Variants in CADM1 observed in about 807,000 individuals in gnomAD.
The protein encoded by CADM1 is cell adhesion molecule 1.
In CADM1, 15 loss-of-function variants were observed where a neutral mutation model predicts 53.1. The observed-to-expected ratio is 0.28, with a 90% CI of 0.19 to 0.44. The LOEUF is 0.44. CADM1 is among the 20% of genes least tolerant of loss of function. CADM1 has a pLI of 1.00. For synonymous variants in CADM1, 281 were observed against 243.0 expected, an observed-to-expected ratio of 1.16 and a Z score of -1.45; for missense variants, 434 against 611.3, an observed-to-expected ratio of 0.71 and a Z score of 3.06.
chr11:115,356,245 TATATTATATAATAC>T (rs1212632751), intron 1 of CADM1, among the ~76,000 whole-genome samples: 1 of 148,324 alleles, frequency 6.7e-6, no homozygotes, highest in African/African-American at 2.4e-5. Flanking sequence ...TTATATTATA[TATATTATATAATAC>T]ATATTATATA....
chr11:115,282,415 T>C (rs1406647050), intron 1 of CADM1, among the ~76,000 whole-genome samples: 1 of 152,100 alleles, frequency 6.6e-6, no homozygotes, highest in East Asian at 1.9e-4. Context: ...TATGAGTAAA[T>C]GTAAAGGTCA....
chr11:115,484,804 G>A (rs573687436), intron 1 of CADM1, among the ~76,000 whole-genome samples: 19 of 152,006 alleles, frequency 1.2e-4, no homozygotes, highest in South Asian at 8.3e-4. Flanking sequence ...AAAATTAGCC[G>A]GGCGTGGTGG....
In CADM1 at chr11:115,214,728, C is replaced by G. The variant is rs777959081; in HGVS notation, c.874G>C (p.Val292Leu). ...RVDDEMPQHAVLSGPNLFINN... is the reference protein window; with the variant it reads ...RVDDEMPQHALLSGPNLFINN... ...ATGAACAGGTTGGGCCCAGACAGTACGGCGTGTTGAGGCATTTCATCATCG... is the reference window on the plus strand; with the variant it reads ...ATGAACAGGTTGGGCCCAGACAGTAGGGCGTGTTGAGGCATTTCATCATCG... The change falls in exon 7 of 12, where the codon GTA becomes CTA. Residue 292 changes from valine (V) to leucine (L), a missense_variant. Coordinates refer to ENST00000331581, the MANE Select transcript of CADM1 (RefSeq NM_001301043.2). The G allele has an allele frequency of 3.7e-6, 6 of 1,613,916 alleles. No homozygotes were observed. The South Asian group carries it at 6.6e-5, about 18-fold the overall frequency.
At chr11:115,263,877 G>A (rs1289783542) in intron 1 of CADM1, among the ~76,000 whole-genome samples, 1 of 152,198 alleles carries the variant, frequency 6.6e-6, no homozygotes, top group African/African-American at 2.4e-5. Flanking sequence ...GTAGTACGTT[G>A]TTTCAAAATA....
At chr11:115,269,544 T>G (rs926032568) in intron 1 of CADM1, among the ~76,000 whole-genome samples, 58 of 152,154 alleles carry the variant, frequency 3.8e-4, no homozygotes, top group African/African-American at 1.2e-3. Context: ...AACTGCTCAG[T>G]ACATACTCTG....
At chr11:115,290,774 G>T (rs1445103909) in intron 1 of CADM1, among the ~76,000 whole-genome samples, 2 of 152,138 alleles carry the variant, frequency 1.3e-5, no homozygotes, top group Non-Finnish European at 2.9e-5. Context: ...ATTTGAGCTT[G>T]TTGGCTATGG....
chr11:115,328,754 CAAT>C (rs1945053770), intron 1 of CADM1, among the ~76,000 whole-genome samples: 1 of 18,148 alleles, frequency 5.5e-5, no homozygotes, highest in African/African-American at 1.3e-4. Flanking sequence ...ATATAGAATC[CAAT>C]CTCTTTTGGG....
chr11:115,460,025 C>T (rs76833649), intron 1 of CADM1, among the ~76,000 whole-genome samples: 68 of 152,236 alleles, frequency 4.5e-4, no homozygotes, highest in African/African-American at 1.6e-3. Context: ...TGCTTTGGAA[C>T]CTGCAAAGCA....
Position 115,214,849 on chromosome 11 carries a change from T to C in CADM1, c.822-69A>G. The C allele has an allele frequency of 2.8e-6, 4 of 1,405,532 alleles. 1 individual carries two copies. In the Admixed American group the frequency reaches 6.7e-5, roughly 24 times the overall value. 87.1% of individuals were successfully genotyped at this position (1,405,532 alleles called of 1,614,324 possible). ...CATTGCATCAAACTGCTCACCCACA[T>C]GCAGGGTGACACAATTAATGAGGAC... On this transcript the variant is annotated intron_variant, in intron 6 of 11. Coordinates refer to ENST00000331581, the MANE Select transcript of CADM1 (RefSeq NM_001301043.2).
intron 1 of CADM1, among the ~76,000 whole-genome samples, chr11:115,423,084 C>A (rs907937829): frequency 6.6e-6 from 1 of 151,712 alleles, no homozygotes; most frequent in African/African-American, 2.4e-5. Context: ...AAAGTCGAGG[C>A]CTTAGTGCCA....
At chr11:115,451,386 C>T (rs991120576) in intron 1 of CADM1, among the ~76,000 whole-genome samples, 1 of 152,160 alleles carries the variant, frequency 6.6e-6, no homozygotes, top group Non-Finnish European at 1.5e-5. Context: ...GGTTTTACCA[C>T]GTGTAGCCAT....
At chr11:115,404,844 G>GAAAAAAAAAAAA (rs774430187) in intron 1 of CADM1, among the ~76,000 whole-genome samples, 1 of 52,348 alleles carries the variant, frequency 1.9e-5, no homozygotes, top group African/African-American at 6.6e-5. Flanking sequence ...CCTGCCTCAG[G>GAAAAAAAAAAAA]AAAAAAAAAA....
intron 10 of CADM1, among the ~76,000 whole-genome samples, chr11:115,181,318 T>C (rs953398941): frequency 1.4e-4 from 22 of 152,296 alleles, no homozygotes; most frequent in African/African-American, 5.1e-4. Context: ...TCCATGAACT[T>C]TGAGCTAAAT....
At chr11:115,480,206 T>C (rs748573359) in intron 1 of CADM1, among the ~76,000 whole-genome samples, 5 of 152,110 alleles carry the variant, frequency 3.3e-5, no homozygotes, top group Admixed American at 1.3e-4. Flanking sequence ...TATACCTGCT[T>C]GAACTCCACA....
intron 1 of CADM1, among the ~76,000 whole-genome samples, chr11:115,315,668 C>CAAA (rs56881752): frequency 8.6e-5 from 12 of 139,388 alleles, no homozygotes; most frequent in African/African-American, 2.8e-4. Flanking sequence ...TATGTTTAGC[C>CAAA]AAAAAAAAAA....
At chr11:115,230,128 C>T (rs1446319708) in intron 4 of CADM1, among the ~76,000 whole-genome samples, 1 of 152,130 alleles carries the variant, frequency 6.6e-6, no homozygotes, top group African/African-American at 2.4e-5. Flanking sequence ...ATGAGAAACT[C>T]CTTCCTTCCA....
chr11:115,267,260 G>A (rs1252989257), intron 1 of CADM1, among the ~76,000 whole-genome samples: 2 of 152,170 alleles, frequency 1.3e-5, no homozygotes, highest in East Asian at 1.9e-4. Context: ...TTCTTTGTAG[G>A]CAACGCTCCA....
rs1332078317 is a variant in CADM1 at position 115,169,786 on chromosome 11, G to A, written c.*6688C>T. On this transcript the variant is annotated 3_prime_UTR_variant, in exon 12 of 12. Transcript: ENST00000331581. ...CAGCTTTTGTGGATTAGCTAGACTT[G>A]CACTTGCCAGCATCCATTGCAGGTT... 3.2e-6 allele frequency: 1 copy of A among 316,500 alleles called. No homozygotes were observed. The highest frequency in any genetic ancestry group is 2.2e-5 in the African/African-American group (1 of 46,354). 19.6% of individuals were successfully genotyped at this position (316,500 alleles called of 1,614,324 possible).
intron 1 of CADM1, among the ~76,000 whole-genome samples, chr11:115,435,985 G>A (rs1053523059): frequency 3.9e-5 from 6 of 152,130 alleles, no homozygotes; most frequent in Admixed American, 1.3e-4. Flanking sequence ...CAAAATCTCT[G>A]CAAAACTACA....
Sources: allele counts gnomAD v4.1 joint callset (sites outside exome capture counted in the v4.1 genomes callset), GRCh38; gene constraint gnomAD v4.1.1; transcripts MANE v1.5; gene names NCBI Gene and HGNC (gene_info 2026-07-23, HGNC 2026-07-21).